Variants in LGSN observed in about 807,000 individuals in gnomAD.
The protein encoded by LGSN is lengsin, lens protein with glutamine synthetase domain.
A neutral mutation model predicts 19.5 loss-of-function variants in LGSN; 21 were observed. The observed-to-expected ratio is 1.07, with a 90% CI of 0.76 to 1.55. The LOEUF (loss-of-function observed/expected upper bound fraction) is 1.55. Among genes scored for constraint, LGSN ranks in the 40% most tolerant of loss-of-function variants. The pLI, the probability that LGSN is intolerant of heterozygous loss-of-function variation, is 0.00. For missense variants in LGSN, 673 were observed against 608.5 expected, an observed-to-expected ratio of 1.11 and a Z score of -1.12; for synonymous variants, 257 against 215.6, an observed-to-expected ratio of 1.19 and a Z score of -1.68.
chr6:63,492,175 A>G, the LGSN span, among the ~76,000 whole-genome samples: 1 of 152,192 alleles, frequency 6.6e-6, no homozygotes, highest in Admixed American at 6.5e-5. Context: ...AAACTTCCTA[A>G]AACATCTATT....
At chr6:63,415,510 A>T in the LGSN span, among the ~76,000 whole-genome samples, 1 of 152,190 alleles carries the variant, frequency 6.6e-6, no homozygotes, top group Non-Finnish European at 1.5e-5. Flanking sequence ...AAGGGGAAAG[A>T]GCCCCTGACA....
the LGSN span, among the ~76,000 whole-genome samples, chr6:63,351,063 G>A: frequency 1.3e-5 from 2 of 152,192 alleles, no homozygotes; most frequent in South Asian, 4.1e-4. Context: ...CCTTTGAGAG[G>A]CGATTAGGTT....
the LGSN span, chr6:63,548,867 A>G: frequency 2.6e-6 from 2 of 769,578 alleles, no homozygotes; most frequent in African/African-American, 3.4e-5. Flanking sequence ...GCTTAGCCAA[A>G]GCGCCTTTGT....
At chr6:63,456,187 G>A in the LGSN span, among the ~76,000 whole-genome samples, 5 of 151,166 alleles carry the variant, frequency 3.3e-5, no homozygotes, top group Non-Finnish European at 7.4e-5. Context: ...CCAAGATCAC[G>A]CCACTGTACT....
the LGSN span, among the ~76,000 whole-genome samples, chr6:63,412,793 GA>G: frequency 7.2e-6 from 1 of 139,448 alleles, no homozygotes; most frequent in Admixed American, 7.6e-5. Context: ...AGGAAGGAAA[GA>G]AAGGAAAGAA....
chr6:63,301,509 G>A (rs1399689131), intron 1 of LGSN, among the ~76,000 whole-genome samples: 1 of 151,932 alleles, frequency 6.6e-6, no homozygotes, highest in Non-Finnish European at 1.5e-5. Context: ...AATGCAAGAG[G>A]CTATAAAAAG....
the LGSN span, among the ~76,000 whole-genome samples, chr6:63,436,400 CA>C: frequency 2.0e-5 from 3 of 152,284 alleles, no homozygotes; most frequent in African/African-American, 7.2e-5. Flanking sequence ...TGCGCCTGGC[CA>C]AAATGTTTCT....
the LGSN span, among the ~76,000 whole-genome samples, chr6:63,473,745 C>T: frequency 2.0e-5 from 3 of 147,744 alleles, no homozygotes; most frequent in Admixed American, 6.9e-5. Context: ...CCCATTTATC[C>T]GCATCTGTAT....
At chr6:63,412,513 A>AGAAG in the LGSN span, among the ~76,000 whole-genome samples, 108 of 113,846 alleles carry the variant, frequency 9.5e-4, no homozygotes, top group Non-Finnish European at 1.3e-3. Context: ...AAAGAAAGAA[A>AGAAG]GAAAGAAAGA....
rs548872108 is a variant in LGSN, at chr6:63,292,664, C to T, written c.163+2249G>A. On this transcript the variant is annotated intron_variant, in intron 2 of 3. Transcript: ENST00000370657. ...CTTCCTTGGTTGGCAATATTCCTCACGTTATTGCCAAGAGAATAGTGCTGT... is the reference window on the plus strand; with the variant it reads ...CTTCCTTGGTTGGCAATATTCCTCATGTTATTGCCAAGAGAATAGTGCTGT... Among the ~76,000 whole-genome samples the T allele has an allele frequency of 9.0e-4, 137 of 152,274 alleles. No individual in the cohort carries two copies. The South Asian group carries it at 0.014, about 16-fold the overall frequency.
chr6:63,510,972 G>C, the LGSN span, among the ~76,000 whole-genome samples: 7 of 152,052 alleles, frequency 4.6e-5, no homozygotes, highest in African/African-American at 1.7e-4. Context: ...ACCGCTCCCG[G>C]TCAAGATGCG....
the LGSN span, among the ~76,000 whole-genome samples, chr6:63,432,146 AAAG>A: frequency 2.3e-4 from 29 of 123,790 alleles, no homozygotes; most frequent in African/African-American, 6.1e-4. Context: ...AGAAAGAAAG[AAAG>A]AAAGAAAGAA....
At chr6:63,571,308 C>A in the LGSN span, 1 of 152,192 alleles carries the variant, frequency 6.6e-6, no homozygotes, top group African/African-American at 2.4e-5. Flanking sequence ...CTAAAGCCCT[C>A]TCCAATCTCA....
the LGSN span, among the ~76,000 whole-genome samples, chr6:63,391,842 C>T: frequency 6.6e-6 from 1 of 152,158 alleles, no homozygotes; most frequent in Non-Finnish European, 1.5e-5. Context: ...AGCAGAGAAA[C>T]ACTCAGCTGT....
At chr6:63,463,428 T>C in the LGSN span, among the ~76,000 whole-genome samples, 1 of 152,194 alleles carries the variant, frequency 6.6e-6, no homozygotes, top group South Asian at 2.1e-4. Flanking sequence ...CTCTTGTACA[T>C]TGCTACATAT....
chr6:63,566,160 A>C, the LGSN span, among the ~76,000 whole-genome samples: 1 of 152,252 alleles, frequency 6.6e-6, no homozygotes, highest in Non-Finnish European at 1.5e-5. Context: ...GAGAATTCGT[A>C]CAACAGAGTA....
chr6:63,391,232 G>A, the LGSN span, among the ~76,000 whole-genome samples: 36 of 152,280 alleles, frequency 2.4e-4, no homozygotes, highest in Middle Eastern at 3.4e-3. Context: ...TCCTATTTGG[G>A]TTTGAGAAAA....
the LGSN span, chr6:63,443,486 C>A: frequency 8.6e-6 from 3 of 348,262 alleles, no homozygotes; most frequent in South Asian, 1.7e-4. Context: ...AGCACATTGT[C>A]ACCTCTCACC....
At chr6:63,441,555 T>C in the LGSN span, 6 of 426,582 alleles carry the variant, frequency 1.4e-5, no homozygotes, top group Non-Finnish European at 2.3e-5. Flanking sequence ...GGCAGCAGGG[T>C]TGGAAGTAGA....
Sources: allele counts gnomAD v4.1 joint callset (sites outside exome capture counted in the v4.1 genomes callset), GRCh38; gene constraint gnomAD v4.1.1; transcripts MANE v1.5; gene names NCBI Gene and HGNC (gene_info 2026-07-23, HGNC 2026-07-21).